DUSP14: variants seen among roughly 807,000 people sequenced by gnomAD.
DUSP14 encodes dual specificity phosphatase 14.
In DUSP14, 5 loss-of-function variants were observed where a neutral mutation model predicts 13.2. The observed-to-expected ratio is 0.38, with a 90% confidence interval of 0.20 to 0.80. The LOEUF is 0.80. DUSP14 is among the 30% of genes least tolerant of loss of function. The pLI is 0.44. For synonymous variants in DUSP14, 91 were observed against 103.4 expected (o/e 0.88, Z 0.73); for missense variants, 185 against 264.0 (o/e 0.70, Z 2.07).
chr17:37,494,662 T>A (rs2054051837), intron 1 of DUSP14, among the ~76,000 whole-genome samples: 1 of 152,186 alleles, frequency 6.6e-6, no homozygotes. Flanking sequence ...GGTGGGCAGT[T>A]CACCTGAGGG....
At chr17:37,511,794 G>A (rs2054188385) in intron 2 of DUSP14, among the ~76,000 whole-genome samples, 1 of 150,310 alleles carries the variant, frequency 6.7e-6, no homozygotes, top group South Asian at 2.1e-4. Flanking sequence ...AAGTTTTTTT[G>A]TAGAGATGGG....
intron 1 of DUSP14, among the ~76,000 whole-genome samples, chr17:37,507,151 G>A (rs191441155): frequency 1.5e-4 from 23 of 152,328 alleles, no homozygotes; most frequent in African/African-American, 5.3e-4. Context: ...GGGGTCAGGA[G>A]TGTTTGTCAG....
chr17:37,496,915 C>CAAAAA (rs71135730), intron 1 of DUSP14, among the ~76,000 whole-genome samples: 47 of 98,334 alleles, frequency 4.8e-4, no homozygotes, highest in African/African-American at 6.4e-4. Flanking sequence ...GACTCTGTCT[C>CAAAAA]AAAAAAAAAA....
chr17:37,512,165 T>C lies in DUSP14; in HGVS notation c.-92-16T>C. ...CAGTAGCATTTAAAGTACTGACACA[T>C]ACCTGTATTTTGCAGGAAGGAGACT... On this transcript the variant is annotated splice_polypyrimidine_tract_variant and intron_variant, in intron 2 of 2. Transcript: ENST00000617516. The surrounding 1 kb of genome is among the most constrained non-coding windows in gnomAD (Gnocchi z 4.8). The C allele has an allele frequency of 1.2e-6, 1 of 842,368 alleles. No homozygotes were observed. The highest frequency in any genetic ancestry group is 1.9e-6 in the Non-Finnish European group (1 of 534,152). 52.2% of individuals were successfully genotyped at this position (842,368 alleles called of 1,614,324 possible).
At chr17:37,511,937 A>AATTT (rs1329764853) in intron 2 of DUSP14, among the ~76,000 whole-genome samples, 1 of 16,442 alleles carries the variant, frequency 6.1e-5, no homozygotes, top group African/African-American at 2.1e-4. Context: ...CCCCCACCCC[A>AATTT]CTTTTTTTTT....
rs1568204461 is a variant in DUSP14, at chr17:37,509,135, ACAC to A, written c.-180-1541_-180-1539del. On this transcript the variant is annotated intron_variant, in intron 1 of 2. Coordinates refer to ENST00000617516, the MANE Select transcript of DUSP14 (RefSeq NM_007026.4). ...TATATATATATATATATATACACAC[ACAC>A]ACACACACACACACACACACACACA... Among the ~76,000 whole-genome samples, 3 of 38,956 alleles carry A rather than the reference ACAC, an allele frequency of 7.7e-5. 1 individual carries two copies. Among genetic ancestry groups the A allele is most frequent in the Admixed American group, 3.6e-4 (1 of 2,748 alleles). The allele number at this position is 38,956 out of a possible 152,430, so 25.6% of individuals were successfully genotyped here. A position where few individuals can be genotyped will look rare whatever the true frequency, so the allele number is the denominator to read the frequency against.
At chr17:37,490,662 G>A (rs1351922984) in intron 1 of DUSP14, among the ~76,000 whole-genome samples, 1 of 152,098 alleles carries the variant, frequency 6.6e-6, no homozygotes, top group Non-Finnish European at 1.5e-5. Context: ...GGCTAGGGAA[G>A]GAGGAGCGAC....
In DUSP14 at chr17:37,512,758, G is replaced by A. The variant is rs2054199182; in HGVS notation, c.486G>A (p.Glu162=). 6 of 1,613,780 alleles carry A rather than the reference G, an allele frequency of 3.7e-6. No homozygotes were observed. Among genetic ancestry groups the A allele is most frequent in the Non-Finnish European group, 4.2e-6 (5 of 1,180,054 alleles). ...VGFWRQLIDY[E]RQLFGKSTVK... Reference sequence around the variant, plus strand: ...TCTGGAGGCAACTGATAGACTACGAGCGCCAGCTCTTTGGGAAGTCGACAG... The same window carrying A: ...TCTGGAGGCAACTGATAGACTACGAACGCCAGCTCTTTGGGAAGTCGACAG... Residue 162 remains glutamate, a synonymous_variant, in exon 3 of 3, where the codon GAG becomes GAA. Coordinates refer to ENST00000617516, the MANE Select transcript of DUSP14 (RefSeq NM_007026.4). The surrounding 1 kb of genome is among the most constrained non-coding windows in gnomAD (Gnocchi z 4.8).
intron 1 of DUSP14, chr17:37,491,690 T>C (rs2054029573): frequency 6.6e-6 from 1 of 152,236 alleles, no homozygotes; most frequent in Non-Finnish European, 1.5e-5. Flanking sequence ...CATAAAAGAC[T>C]AGCCAAGTAT....
At chr17:37,501,486 A>G (rs1397351323) in intron 1 of DUSP14, among the ~76,000 whole-genome samples, 1 of 151,946 alleles carries the variant, frequency 6.6e-6, no homozygotes, top group Non-Finnish European at 1.5e-5. Flanking sequence ...TCTCCATTCC[A>G]ATGGAGAATA....
At chr17:37,494,818 G>C (rs1174922938) in intron 1 of DUSP14, among the ~76,000 whole-genome samples, 1 of 152,184 alleles carries the variant, frequency 6.6e-6, no homozygotes, top group South Asian at 2.1e-4. Context: ...AGGGATGATG[G>C]AAGAACACTA....
chr17:37,500,973 A>T (rs1187327247), intron 1 of DUSP14, among the ~76,000 whole-genome samples: 3 of 149,380 alleles, frequency 2.0e-5, no homozygotes, highest in African/African-American at 7.3e-5. Flanking sequence ...ACATTTTGGT[A>T]GACTTTGAAT....
chr17:37,500,022 C>T (rs2054094909), intron 1 of DUSP14, among the ~76,000 whole-genome samples: 1 of 152,228 alleles, frequency 6.6e-6, no homozygotes, highest in African/African-American at 2.4e-5. Context: ...CACCCAGTTG[C>T]CCTCACAGTG....
chr17:37,500,781 G>A (rs994532860), intron 1 of DUSP14, among the ~76,000 whole-genome samples: 7 of 152,056 alleles, frequency 4.6e-5, no homozygotes, highest in Non-Finnish European at 8.8e-5. Context: ...GGACTTTTGC[G>A]AGCTTTTTAT....
At chr17:37,506,985 G>A (rs1001092120) in intron 1 of DUSP14, among the ~76,000 whole-genome samples, 1 of 152,238 alleles carries the variant, frequency 6.6e-6, no homozygotes, top group Non-Finnish European at 1.5e-5. Flanking sequence ...GCGCCGCGAG[G>A]CAGGTGATGA....
At position 37,510,728 on chromosome 17, in the gene DUSP14, T is replaced by A. The variant is rs1207432290; in HGVS notation, c.-129T>A. On this transcript the variant is annotated 5_prime_UTR_variant, in exon 2 of 3. Coordinates refer to ENST00000617516, the MANE Select transcript of DUSP14 (RefSeq NM_007026.4). ...CACTGCTCACTTAGGACTTTCTGGATCCGGACCCAGGCAGCGCACACTGGA... is the reference window on the plus strand; with the variant it reads ...CACTGCTCACTTAGGACTTTCTGGAACCGGACCCAGGCAGCGCACACTGGA... 1 of 152,168 alleles carries A rather than the reference T, an allele frequency of 6.6e-6. No individual in the cohort carries two copies. The highest frequency in any genetic ancestry group is 1.5e-5 in the Non-Finnish European group (1 of 68,064). The allele number at this position is 152,168 out of a possible 1,614,324, so 9.4% of individuals were successfully genotyped here.
chr17:37,512,964 T>A lies in DUSP14; in HGVS notation c.*95T>A. 9.3e-7 allele frequency: 1 copy of A among 1,075,774 alleles called. No homozygotes were observed. The highest frequency in any genetic ancestry group is 1.4e-6 in the Non-Finnish European group (1 of 734,510). 66.6% of individuals were successfully genotyped at this position (1,075,774 alleles called of 1,614,324 possible). On this transcript the variant is annotated 3_prime_UTR_variant, in exon 3 of 3. Coordinates refer to ENST00000617516, the MANE Select transcript of DUSP14 (RefSeq NM_007026.4). This position sits in a 1 kb window ranked among gnomAD's most constrained non-coding sequence, Gnocchi z 4.8. ...ACTCTCTTCTCAAATGGCTGACTTC[T>A]GGTTCTCCCTCAAGTGTTTTTTACA...
chr17:37,512,621 C>G lies in DUSP14; in HGVS notation c.349C>G (p.Arg117Gly). ...TLVHCAAGVS[R>G]SATLCIAYLM... ...GGTGCACTGTGCTGCAGGGGTGAGC[C>G]GCTCAGCCACGCTGTGTATCGCGTA... is the stretch of plus-strand genomic sequence containing the variant. Residue 117 changes from arginine (R) to glycine (G), a missense_variant, in exon 3 of 3, where the codon CGC (arginine) becomes GGC (glycine). Physicochemically the swap from Arg to Gly is moderately radical, Grantham distance 125. Coordinates refer to ENST00000617516, the MANE Select transcript of DUSP14 (RefSeq NM_007026.4). The surrounding 1 kb of genome is among the most constrained non-coding windows in gnomAD (Gnocchi z 4.8). The G allele has an allele frequency of 6.2e-7, 1 of 1,613,002 alleles. No individual in the cohort carries two copies. The highest frequency in any genetic ancestry group is 1.7e-5 in the Admixed American group (1 of 60,010).
intron 1 of DUSP14, among the ~76,000 whole-genome samples, chr17:37,505,897 T>A (rs186258581): frequency 1.1e-4 from 16 of 152,276 alleles, no homozygotes; most frequent in Middle Eastern, 3.4e-3. Context: ...ACACTAATCT[T>A]GTATTTTGTT....
Sources: allele counts gnomAD v4.1 joint callset (sites outside exome capture counted in the v4.1 genomes callset), GRCh38; gene constraint gnomAD v4.1.1; non-coding constraint Gnocchi (gnomAD v3.1); transcripts MANE v1.5; gene names NCBI Gene and HGNC (gene_info 2026-07-23, HGNC 2026-07-21).